Variants in DEPDC5 observed in about 807,000 individuals in gnomAD.
The protein encoded by DEPDC5 is GATOR1 complex protein DEPDC5.
In DEPDC5, 73 loss-of-function variants were observed where a neutral mutation model predicts 217.3. The observed-to-expected ratio is 0.34, with a 90% CI of 0.28 to 0.41. The LOEUF (loss-of-function observed/expected upper bound fraction) is 0.41, where lower values mean the gene tolerates loss of function less well. Among genes scored for constraint, DEPDC5 ranks in the 10% least tolerant of loss-of-function variants. The pLI is 1.00. For missense variants in DEPDC5, 1,675 were observed against 2,070.1 expected (o/e 0.81, Z 3.70); for synonymous variants, 733 against 756.7 (o/e 0.97, Z 0.51).
intron 37 of DEPDC5, among the ~76,000 whole-genome samples, chr22:31,877,436 CAAAA>C (rs71184527): frequency 0.02 from 412 of 20,820 alleles, no homozygotes; most frequent in Non-Finnish European, 0.026. Context: ...GACTCCATCT[CAAAA>C]AAAAAAAAAA....
chr22:31,824,143 C>T (rs893687536), intron 24 of DEPDC5, among the ~76,000 whole-genome samples: 2 of 152,040 alleles, frequency 1.3e-5, no homozygotes, highest in East Asian at 1.9e-4. Context: ...GTCAGAAGTT[C>T]GAGACCAGCC....
chr22:31,773,745 A>T (rs1433287934), intron 7 of DEPDC5, among the ~76,000 whole-genome samples: 1 of 152,178 alleles, frequency 6.6e-6, no homozygotes, highest in Middle Eastern at 3.2e-3. Flanking sequence ...TTTCCCTGCA[A>T]TTTAACTTTC....
chr22:31,897,455 ATTGT>A (rs760870402), intron 39 of DEPDC5, 23 bp from the exon 40 acceptor site: 2 of 1,579,806 alleles, frequency 1.3e-6, no homozygotes, highest in Non-Finnish European at 8.6e-7. Flanking sequence ...TGGAGATGAT[ATTGT>A]TTGTTTCTGT....
chr22:31,838,648 C>T, intron 26 of DEPDC5, 37 bp from the exon 27 acceptor site: 1 of 1,607,374 alleles, frequency 6.2e-7, no homozygotes. Context: ...CTGTCTCGGG[C>T]CAAGCATCTG....
At chr22:31,794,015 AC>A (rs780800720) in intron 12 of DEPDC5, among the ~76,000 whole-genome samples, 1 of 152,162 alleles carries the variant, frequency 6.6e-6, no homozygotes, top group Non-Finnish European at 1.5e-5. Flanking sequence ...AGATACTGTT[AC>A]CCCATTTTAC....
At chr22:31,785,791 C>T (rs924187061) in intron 10 of DEPDC5, among the ~76,000 whole-genome samples, 7 of 152,058 alleles carry the variant, frequency 4.6e-5, no homozygotes, top group East Asian at 1.9e-4. Context: ...GAAACCAACC[C>T]GTACATCTAT....
At chr22:31,804,641 T>C (rs2087283952) in intron 16 of DEPDC5, among the ~76,000 whole-genome samples, 1 of 152,236 alleles carries the variant, frequency 6.6e-6, no homozygotes, top group South Asian at 2.1e-4. Context: ...GGTTTCACCA[T>C]GTTGGCCAGG....
At chr22:31,844,912 A>G (rs2091633767) in intron 29 of DEPDC5, 106 bp from the exon 30 acceptor site, 1 of 1,133,976 alleles carries the variant, frequency 8.8e-7, no homozygotes, top group African/African-American at 1.5e-5. Flanking sequence ...GCACATACTC[A>G]TGGGGAGATG....
rs932447972 is a variant in DEPDC5 at position 31,891,289 on chromosome 22, T to C, written c.4034-2293T>C. On this transcript the variant is annotated intron_variant, in intron 38 of 42. Transcript: ENST00000651528. ...TCTTAATGCAAAAGCAAAAAACATA[T>C]CACTTAAAATCATTATCTTTACATT... 9.0e-5 allele frequency: 45 copies of C among 497,856 alleles called. No individual in the cohort carries two copies. The Admixed American group carries it at 1.3e-3, about 14-fold the overall frequency. The allele number at this position is 497,856 out of a possible 1,614,324, so 30.8% of individuals were successfully genotyped here.
intron 31 of DEPDC5, chr22:31,853,011 G>A (rs1454523464): frequency 2.0e-5 from 3 of 152,340 alleles, no homozygotes; most frequent in African/African-American, 7.2e-5. Context: ...ACAGATGAGA[G>A]AAAGATAACT....
chr22:31,881,861 G>C (rs947458241), intron 38 of DEPDC5, among the ~76,000 whole-genome samples: 1 of 151,572 alleles, frequency 6.6e-6, no homozygotes, highest in Admixed American at 6.6e-5. Context: ...CAGGAGAATC[G>C]CTTGAATCTG....
At chr22:31,798,757 C>T (rs964118672) in intron 14 of DEPDC5, 101 bp downstream of exon 14, 6 of 1,165,456 alleles carry the variant, frequency 5.1e-6, no homozygotes, top group Non-Finnish European at 7.2e-6. Flanking sequence ...GTTCTTGGAT[C>T]TTGCAGAAGA....
intron 25 of DEPDC5, among the ~76,000 whole-genome samples, chr22:31,836,328 C>T (rs1313356442): frequency 2.6e-5 from 4 of 152,228 alleles, no homozygotes; most frequent in Non-Finnish European, 5.9e-5. Flanking sequence ...TCTGCTTTAA[C>T]TGAGGAGCAG....
chr22:31,861,791 T>C lies in DEPDC5; in HGVS notation c.3330+358T>C, dbSNP rs2092524127. Among the ~76,000 whole-genome samples the C allele has an allele frequency of 3.3e-5, 5 of 152,084 alleles. No homozygotes were observed. The South Asian group carries it at 1.0e-3, about 32-fold the overall frequency. On this transcript the variant is annotated intron_variant, in intron 33 of 42. Transcript: ENST00000651528. ...GTTAAGGGCTGAACACTTATTTTTT[T>C]CCCCTCCCAATACAACCAGATAAAT...
At chr22:31,827,210 G>C (rs1413106900) in intron 24 of DEPDC5, among the ~76,000 whole-genome samples, 1 of 152,004 alleles carries the variant, frequency 6.6e-6, no homozygotes, top group Non-Finnish European at 1.5e-5. Context: ...TTTTCAAAGG[G>C]GTTAGTGGCC....
intron 38 of DEPDC5, among the ~76,000 whole-genome samples, chr22:31,880,521 T>C (rs2093145173): frequency 6.6e-6 from 1 of 152,232 alleles, no homozygotes; most frequent in African/African-American, 2.4e-5. Context: ...GGAAATTCCA[T>C]GTTCTGCTTT....
chr22:31,769,618 C>G (rs928438340), intron 7 of DEPDC5: 4 of 151,942 alleles, frequency 2.6e-5, no homozygotes, highest in Non-Finnish European at 5.9e-5. Flanking sequence ...TGTGAAATCC[C>G]CTTTAAATTC....
At chr22:31,850,841 C>T (rs1407743353) in intron 31 of DEPDC5, among the ~76,000 whole-genome samples, 11 of 152,066 alleles carry the variant, frequency 7.2e-5, no homozygotes, top group African/African-American at 2.7e-4. Context: ...GAGGCTGAGG[C>T]GGGTGGAACA....
At position 31,804,243 on chromosome 22, in the gene DEPDC5, G is replaced by T; in HGVS notation, c.1143+20G>T. ...TTCAAGGTAATTAGATTTCGGATTT[G>T]TTTACTAAAGGCCAGTTGGAGTATA... On this transcript the variant is annotated intron_variant, in intron 16 of 42. Coordinates refer to ENST00000651528, the MANE Select transcript of DEPDC5 (RefSeq NM_001242896.3). 6.2e-7 allele frequency: 1 copy of T among 1,613,482 alleles called. No homozygotes were observed. Among genetic ancestry groups the T allele is most frequent in the Non-Finnish European group, 8.5e-7 (1 of 1,179,488 alleles).
Sources: gnomAD v4.1 joint callset for allele counts (sites outside exome capture counted in the v4.1 genomes callset) on GRCh38, gnomAD v4.1.1 for gene constraint, MANE v1.5 for transcripts, NCBI Gene and HGNC (gene_info 2026-07-23, HGNC 2026-07-21) for gene names.